Variants in TLCD3B observed in about 807,000 individuals in gnomAD.
TLCD3B encodes the protein ceramide synthase.
In TLCD3B, 9 loss-of-function variants were observed where a neutral mutation model predicts 23.0. That is an observed-to-expected ratio of 0.39 (90% CI 0.24 to 0.68). TLCD3B has a LOEUF of 0.68. Among genes scored for constraint, TLCD3B ranks in the 30% least tolerant of loss-of-function variants. TLCD3B has a pLI of 0.44. For synonymous variants in TLCD3B, 161 were observed against 161.0 expected, an observed-to-expected ratio of 1.00 and a Z score of 0.00; for missense variants, 307 against 371.8, an observed-to-expected ratio of 0.83 and a Z score of 1.43.
chr16:30,048,794 G>A (rs1054512703), intron 1 of TLCD3B, among the ~76,000 whole-genome samples: 9 of 151,418 alleles, frequency 5.9e-5, no homozygotes, highest in Admixed American at 4.0e-4. Context: ...TTTTGGGGGC[G>A]GAGTCTCTGT....
rs1433565345 is a variant in TLCD3B at position 30,049,121 on chromosome 16, A to G, written c.-293-2734T>C. 1.1e-4 allele frequency among the ~76,000 whole-genome samples: 16 copies of G among 152,140 alleles called. No individual in the cohort carries two copies. In the South Asian group the frequency reaches 3.3e-3, roughly 32 times the overall value. On this transcript the variant is annotated intron_variant, in intron 1 of 6. Coordinates refer to the TLCD3B transcript ENST00000561666. ...ACTGGGCCATTATTATTTCCAACCT[A>G]TAAGATGGAAGTAATTGTTTCTGCC...
upstream of TLCD3B, chr16:30,035,403 T>C (rs753713143): frequency 3.1e-6 from 4 of 1,289,672 alleles, no homozygotes; most frequent in South Asian, 4.9e-5. Context: ...TTGGTGTGGT[T>C]CTGCAAGCCC....
upstream of TLCD3B, chr16:30,035,392 G>A: frequency 2.3e-6 from 3 of 1,289,648 alleles, no homozygotes; most frequent in Non-Finnish European, 3.0e-6. Context: ...CCATCTGCAG[G>A]TTGGTGTGGT....
Position 30,030,829 on chromosome 16 carries a change from G to C in TLCD3B, c.-302C>G. ...GGGATGGCTTGGTGAGGGACAGAGA[G>C]GAAGAGGGGACAGGAGGAGGAGGAT... On this transcript the variant is annotated 5_prime_UTR_variant, in exon 1 of 5. Transcript: ENST00000380495. 9.1e-7 allele frequency: 1 copy of C among 1,095,886 alleles called. No homozygotes were observed. Among genetic ancestry groups the C allele is most frequent in the Non-Finnish European group, 1.1e-6 (1 of 901,496 alleles). 67.9% of individuals were successfully genotyped at this position (1,095,886 alleles called of 1,614,324 possible). A position where few individuals can be genotyped will look rare whatever the true frequency, so the allele number is the denominator to read the frequency against.
intron 2 of TLCD3B, among the ~76,000 whole-genome samples, chr16:30,045,553 A>ATGTGGTGTGTG (rs2071657620): frequency 1.7e-5 from 1 of 60,318 alleles, no homozygotes; most frequent in South Asian, 5.7e-4. Context: ...TGTGTGGTGT[A>ATGTGGTGTGTG]TGTGGTGTGT....
rs2071076236 is a variant in TLCD3B at position 30,025,429 on chromosome 16, C to T, written c.579G>A (p.Gly193=). ...AGAGGAAGCTGAGCAGCATCAGGGC[C>T]CCGTTCACCTTGTGCAGCAGTGTGT... The part of the protein sequence containing the change: ...QQHTLLHKVN[G]ALMLLSFLCC... The change falls in exon 5 of 5, where the codon GGG becomes GGA. Residue 193 remains glycine (G), a synonymous_variant. Coordinates refer to ENST00000380495, the MANE Select transcript of TLCD3B (RefSeq NM_031478.6). The surrounding 1 kb of genome is among the most constrained non-coding windows in gnomAD (Gnocchi z 4.1). 6.2e-7 allele frequency: 1 copy of T among 1,612,512 alleles called. No homozygotes were observed. The highest frequency in any genetic ancestry group is 8.5e-7 in the Non-Finnish European group (1 of 1,179,574).
Position 30,044,204 on chromosome 16 carries a change from C to G in TLCD3B, c.-229+2119G>C, listed in dbSNP as rs1297430875. 4.6e-5 allele frequency among the ~76,000 whole-genome samples: 7 copies of G among 151,534 alleles called. No individual in the cohort carries two copies. The East Asian group carries it at 1.4e-3, about 30-fold the overall frequency. On this transcript the variant is annotated intron_variant, in intron 2 of 6. Coordinates refer to the TLCD3B transcript ENST00000561666. ...TAGAGATGGGGTTTCACCATGTTGC[C>G]CAGGCTGGTCTCAAACTCCCGACTT...
chr16:30,040,081 C>T (rs1193678194), intron 3 of TLCD3B, among the ~76,000 whole-genome samples: 1 of 146,054 alleles, frequency 6.8e-6, no homozygotes, highest in East Asian at 2.0e-4. Context: ...TTGCAGTGAT[C>T]CGAGATGGTG....
upstream of TLCD3B, among the ~76,000 whole-genome samples, chr16:30,034,268 ACT>A: frequency 6.6e-6 from 1 of 150,696 alleles, no homozygotes; most frequent in Non-Finnish European, 1.5e-5. Context: ...ACACAGTGAG[ACT>A]CTGTCTCAAA....
intron 3 of TLCD3B, among the ~76,000 whole-genome samples, chr16:30,039,864 T>G (rs2071545051): frequency 6.6e-6 from 1 of 150,544 alleles, no homozygotes; most frequent in Admixed American, 6.6e-5. Context: ...CCAGGCATGG[T>G]GGCTCACGCC....
At chr16:30,047,273 G>A (rs1296434895) in intron 1 of TLCD3B, among the ~76,000 whole-genome samples, 1 of 151,844 alleles carries the variant, frequency 6.6e-6, no homozygotes, top group East Asian at 1.9e-4. Flanking sequence ...AGTAGCTGGG[G>A]CTACAAGCAT....
chr16:30,035,371 C>T, upstream of TLCD3B: 2 of 1,289,658 alleles, frequency 1.6e-6, no homozygotes, highest in Non-Finnish European at 2.0e-6. Context: ...CCAGGACAGC[C>T]TCTTGTCTCT....
chr16:30,025,633 G>A lies in TLCD3B; in HGVS notation c.540+93C>T, dbSNP rs762872467. 7 of 1,483,028 alleles carry A rather than the reference G, an allele frequency of 4.7e-6. No homozygotes were observed. Among genetic ancestry groups the A allele is most frequent in the South Asian group, 2.3e-5 (2 of 88,566 alleles). The allele number at this position is 1,483,028 out of a possible 1,614,324, so 91.9% of individuals were successfully genotyped here. A position where few individuals can be genotyped will look rare whatever the true frequency, so the allele number is the denominator to read the frequency against. ...ATGCACGGGGTGAGGGGGGGATGAC[G>A]AAGGGGCTAGAGCCCTTGGCAGCAA... is the stretch of plus-strand genomic sequence containing the variant. On this transcript the variant is annotated intron_variant, in intron 4 of 4. Transcript: ENST00000380495. The surrounding 1 kb of genome is among the most constrained non-coding windows in gnomAD (Gnocchi z 4.1).
intron 1 of TLCD3B, chr16:30,030,174 G>C (rs1255024558): frequency 6.9e-7 from 1 of 1,458,228 alleles, no homozygotes; most frequent in East Asian, 2.6e-5. Context: ...GGGAAGAAGA[G>C]AGAGGCGGGC....
chr16:30,050,251 G>A (rs1451120689), intron 1 of TLCD3B, among the ~76,000 whole-genome samples: 1 of 152,124 alleles, frequency 6.6e-6, no homozygotes, highest in Non-Finnish European at 1.5e-5. Flanking sequence ...CAATAAGACC[G>A]CCCAAGGCCG....
At chr16:30,026,912 C>T (rs2071168631) in intron 2 of TLCD3B, 69 bp from the exon 3 acceptor site, 1 of 1,337,784 alleles carries the variant, frequency 7.5e-7, no homozygotes, top group Non-Finnish European at 1.1e-6. Flanking sequence ...GGTCAGATCT[C>T]AGGGGTCAGC....
intron 2 of TLCD3B, among the ~76,000 whole-genome samples, chr16:30,044,523 G>C (rs1567310093): frequency 6.6e-6 from 1 of 151,964 alleles, no homozygotes; most frequent in Non-Finnish European, 1.5e-5. Context: ...TGTTGCCCAG[G>C]CTGGTCTCAA....
Position 30,026,756 on chromosome 16 carries a change from C to A in TLCD3B, c.297G>T (p.Lys99Asn), listed in dbSNP as rs923506695. 8 of 1,614,082 alleles carry A rather than the reference C, an allele frequency of 5.0e-6. No individual in the cohort carries two copies. The highest frequency in any genetic ancestry group is 6.8e-6 in the Non-Finnish European group (8 of 1,180,048). Reference protein sequence around the residue: ...IYAMFLCHWHKHQVKGHGGDD... With the variant: ...IYAMFLCHWHNHQVKGHGGDD... ...CCCCTCCATGCCCTTTGACCTGGTG[C>A]TTGTGCCAGTGACAGAGGAACATGG... is the stretch of plus-strand genomic sequence containing the variant. The change falls in exon 3 of 5, where the codon AAG (lysine) becomes AAT (asparagine). Residue 99 changes from lysine to asparagine, a missense_variant. Physicochemically the swap from Lys to Asn is moderately conservative, Grantham distance 94. Coordinates refer to ENST00000380495, the MANE Select transcript of TLCD3B (RefSeq NM_031478.6).
chr16:30,025,309 G>A lies in TLCD3B; in HGVS notation c.699C>T (p.His233=), dbSNP rs143442365. 49 of 1,563,526 alleles carry A rather than the reference G, an allele frequency of 3.1e-5. No individual in the cohort carries two copies. Among genetic ancestry groups the A allele is most frequent in the Non-Finnish European group, 3.7e-5 (43 of 1,153,552 alleles). ...GGAGCAGCGCAGCGCCCAGGTTGAC[G>A]TGGGCAGGGATGGCCAGGGGCACGG... is the stretch of plus-strand genomic sequence containing the variant. The part of the protein sequence containing the change: ...LLAVPLAIPA[H]VNLGAALLLA... Residue 233 remains histidine (H), a synonymous_variant, in exon 5 of 5, where the codon CAC becomes CAT. Coordinates refer to ENST00000380495, the MANE Select transcript of TLCD3B (RefSeq NM_031478.6). This position sits in a 1 kb window ranked among gnomAD's most constrained non-coding sequence, Gnocchi z 4.1.
Sources: allele counts gnomAD v4.1 joint callset (sites outside exome capture counted in the v4.1 genomes callset), GRCh38; gene constraint gnomAD v4.1.1; non-coding constraint Gnocchi (gnomAD v3.1); transcripts MANE v1.5; gene names NCBI Gene and HGNC (gene_info 2026-07-23, HGNC 2026-07-21).